Variants in CRYBA4 observed in about 807,000 individuals in gnomAD.
CRYBA4 encodes the protein beta-crystallin A4.
A neutral mutation model predicts 31.7 loss-of-function variants in CRYBA4; 30 were observed. The ratio of observed to expected loss-of-function variants is 0.95; its 90% CI spans 0.71 to 1.28. The LOEUF (loss-of-function observed/expected upper bound fraction) is 1.28. Ranked by LOEUF, CRYBA4 falls within the 50% of genes most tolerant of loss-of-function variation. The pLI is 0.00. For synonymous variants in CRYBA4, 102 were observed against 102.3 expected, an observed-to-expected ratio of 1.00 and a Z score of 0.02; for missense variants, 225 against 260.7, an observed-to-expected ratio of 0.86 and a Z score of 0.94.
At chr22:26,622,751 C>T in intron 2 of CRYBA4, 116 bp downstream of exon 2, 1 of 830,024 alleles carries the variant, frequency 1.2e-6, no homozygotes, top group Admixed American at 1.9e-5. Flanking sequence ...AATCAAGGCT[C>T]AGAGTTGAGA....
At chr22:26,620,347 C>T (rs1471749523), upstream of CRYBA4, among the ~76,000 whole-genome samples, 1 of 152,164 alleles carries the variant, frequency 6.6e-6, no homozygotes, top group Admixed American at 6.5e-5. Flanking sequence ...CATTTATCCT[C>T]ACAATCCCCC....
upstream of CRYBA4, chr22:26,618,205 G>A: frequency 6.5e-6 from 1 of 153,398 alleles, no homozygotes; most frequent in Non-Finnish European, 1.5e-5. Flanking sequence ...AGCACACACA[G>A]CAGAAACCCT....
rs1404229613 is a variant in CRYBA4 at position 26,627,359 on chromosome 22, C to CCCTCCCTCCCTCCCTTCTTTCTTT, written c.301-928_301-927insCTCCCTCCCTCCCTTCTTTCTTTC. Among the ~76,000 whole-genome samples the CCCTCCCTCCCTCCCTTCTTTCTTT allele has an allele frequency of 1.0e-3, 43 of 41,862 alleles. 3 individuals are homozygous for CCCTCCCTCCCTCCCTTCTTTCTTT. The highest frequency in any genetic ancestry group is 2.8e-3 in the South Asian group (2 of 704). 27.5% of individuals were successfully genotyped at this position (41,862 alleles called of 152,430 possible). A position where few individuals can be genotyped will look rare whatever the true frequency, so the allele number is the denominator to read the frequency against. ...CCCCTCCCTCCCTCCCTCCCTCCCT[C>CCCTCCCTCCCTCCCTTCTTTCTTT]CTTTCTTTCTTTCTTTCTTTCTTTC... On this transcript the variant is annotated intron_variant, in intron 4 of 5. Coordinates refer to ENST00000354760, the MANE Select transcript of CRYBA4 (RefSeq NM_001886.3).
chr22:26,617,003 T>C (rs964694545), upstream of CRYBA4, among the ~76,000 whole-genome samples: 1 of 152,252 alleles, frequency 6.6e-6, no homozygotes, highest in Non-Finnish European at 1.5e-5. Context: ...AGATGCCCAA[T>C]TAACATTTGT....
chr22:26,608,468 T>C, the CRYBA4 span, among the ~76,000 whole-genome samples: 1 of 152,236 alleles, frequency 6.6e-6, no homozygotes, highest in Non-Finnish European at 1.5e-5. Context: ...TCTCCTTTTT[T>C]TCTTTTGTAA....
chr22:26,623,450 T>C, intron 3 of CRYBA4, 98 bp downstream of exon 3: 1 of 936,820 alleles, frequency 1.1e-6, no homozygotes, highest in Non-Finnish European at 1.7e-6. Context: ...CCCCTCTCCC[T>C]AGGCTCTTAC....
At chr22:26,593,322 A>G in the CRYBA4 span, among the ~76,000 whole-genome samples, 1 of 152,186 alleles carries the variant, frequency 6.6e-6, no homozygotes, top group Admixed American at 6.6e-5. Flanking sequence ...ATTCAAGAGG[A>G]TGAGGTTGAT....
At chr22:26,608,023 T>C in the CRYBA4 span, 5 of 1,614,052 alleles carry the variant, frequency 3.1e-6, no homozygotes, top group Non-Finnish European at 4.2e-6. Context: ...GCGACCCAGC[T>C]GGATACAAGA....
the CRYBA4 span, among the ~76,000 whole-genome samples, chr22:26,599,995 C>T: frequency 6.6e-6 from 1 of 152,166 alleles, no homozygotes; most frequent in African/African-American, 2.4e-5. Context: ...AATACACATC[C>T]CATTAAACGT....
the CRYBA4 span, among the ~76,000 whole-genome samples, chr22:26,614,392 C>G: frequency 6.6e-6 from 1 of 152,170 alleles, no homozygotes; most frequent in Non-Finnish European, 1.5e-5. Flanking sequence ...CCCTTTATTT[C>G]TCAAGCTGGC....
the CRYBA4 span, among the ~76,000 whole-genome samples, chr22:26,593,040 C>G: frequency 6.6e-6 from 1 of 152,112 alleles, no homozygotes; most frequent in Non-Finnish European, 1.5e-5. Context: ...CTCAGGACAT[C>G]GTGGTGGACC....
At chr22:26,627,480 T>C (rs868215859) in intron 4 of CRYBA4, among the ~76,000 whole-genome samples, 6,081 of 55,652 alleles carry the variant, frequency 0.11, 671 homozygotes, top group East Asian at 0.28. Context: ...TTCTTTCTCT[T>C]TCTTTCCTTT....
intron 5 of CRYBA4, among the ~76,000 whole-genome samples, chr22:26,628,799 A>C (rs1929829639): frequency 6.6e-6 from 1 of 152,288 alleles, no homozygotes. Context: ...CGTTACATCC[A>C]GCCCTAGGGA....
chr22:26,601,016 T>G, the CRYBA4 span, among the ~76,000 whole-genome samples: 1 of 152,206 alleles, frequency 6.6e-6, no homozygotes, highest in Non-Finnish European at 1.5e-5. Context: ...CTTTCCCCAG[T>G]GTACCTAGCA....
chr22:26,593,474 C>CT, the CRYBA4 span, among the ~76,000 whole-genome samples: 46 of 144,654 alleles, frequency 3.2e-4, no homozygotes, highest in African/African-American at 4.6e-4. Context: ...CTTGTCTCTA[C>CT]TTTTTTTTTT....
chr22:26,601,402 G>A, the CRYBA4 span, among the ~76,000 whole-genome samples: 3 of 152,094 alleles, frequency 2.0e-5, no homozygotes, highest in Non-Finnish European at 2.9e-5. Context: ...AAGACTGAGA[G>A]GCAGAGAGGT....
At chr22:26,602,078 A>T in the CRYBA4 span, 1 of 1,603,052 alleles carries the variant, frequency 6.2e-7, no homozygotes, top group Non-Finnish European at 8.5e-7. Context: ...AAAGAGAAGA[A>T]ACTTAGCGGG....
chr22:26,620,076 A>T (rs1444163271), upstream of CRYBA4, among the ~76,000 whole-genome samples: 1 of 149,472 alleles, frequency 6.7e-6, no homozygotes, highest in Admixed American at 6.7e-5. Flanking sequence ...CCAATTACGG[A>T]TAAGGAAACT....
At chr22:26,601,127 G>T in the CRYBA4 span, among the ~76,000 whole-genome samples, 1 of 152,204 alleles carries the variant, frequency 6.6e-6, no homozygotes, top group African/African-American at 2.4e-5. Flanking sequence ...AAAGGCCATA[G>T]CCATGATGGT....
Sources: allele counts gnomAD v4.1 joint callset (sites outside exome capture counted in the v4.1 genomes callset), GRCh38; gene constraint gnomAD v4.1.1; transcripts MANE v1.5; gene names NCBI Gene and HGNC (gene_info 2026-07-23, HGNC 2026-07-21).